Variants in ZNF609 observed in about 807,000 individuals in gnomAD.
ZNF609 encodes zinc finger protein 609.
In ZNF609, 11 loss-of-function variants were observed where a neutral mutation model predicts 109.5. The ratio of observed to expected loss-of-function variants is 0.10; its 90% CI spans 0.06 to 0.17. The LOEUF (loss-of-function observed/expected upper bound fraction) is 0.17. Among genes scored for constraint, ZNF609 ranks in the 10% least tolerant of loss-of-function variants. ZNF609 has a pLI of 1.00. For missense variants in ZNF609, 1,559 were observed against 1,772.4 expected, an observed-to-expected ratio of 0.88 and a Z score of 2.16; for synonymous variants, 646 against 662.0, an observed-to-expected ratio of 0.98 and a Z score of 0.37.
intron 2 of ZNF609, among the ~76,000 whole-genome samples, chr15:64,577,670 T>C (rs191747650): frequency 5.5e-5 from 7 of 128,032 alleles, no homozygotes; most frequent in African/African-American, 2.2e-4. Flanking sequence ...TATACACATA[T>C]AAATATATAC....
intron 2 of ZNF609, among the ~76,000 whole-genome samples, chr15:64,510,531 TCTTA>T (rs970257452): frequency 5.9e-5 from 9 of 152,218 alleles, no homozygotes; most frequent in African/African-American, 2.2e-4. Flanking sequence ...TCACACCTGC[TCTTA>T]CTGTGTCTAA....
intron 1 of ZNF609, among the ~76,000 whole-genome samples, chr15:64,493,960 T>C (rs116972138): frequency 3.0e-3 from 453 of 152,298 alleles, no homozygotes; most frequent in Non-Finnish European, 4.9e-3. Flanking sequence ...CCAGGCTGAT[T>C]GAAGAATCCT....
chr15:64,644,856 T>C (rs1896307091), intron 3 of ZNF609, among the ~76,000 whole-genome samples: 1 of 152,242 alleles, frequency 6.6e-6, no homozygotes, highest in Non-Finnish European at 1.5e-5. Context: ...GGAGTATGAA[T>C]GCTTAAAACA....
intron 3 of ZNF609, among the ~76,000 whole-genome samples, chr15:64,632,359 T>C (rs536852930): frequency 1.3e-5 from 2 of 152,282 alleles, no homozygotes; most frequent in East Asian, 3.9e-4. Flanking sequence ...CAGCCTCTAT[T>C]TTTTAATAGT....
chr15:64,467,662 T>A (rs746722491), intron 1 of ZNF609, among the ~76,000 whole-genome samples: 1 of 152,104 alleles, frequency 6.6e-6, no homozygotes, highest in Non-Finnish European at 1.5e-5. Context: ...CTGGCCAACA[T>A]GGTGAAATCC....
chr15:64,651,247 A>G (rs67971088), intron 3 of ZNF609, among the ~76,000 whole-genome samples: 9,240 of 152,258 alleles, frequency 0.061, 390 homozygotes, highest in Non-Finnish European at 0.099. Context: ...TTTGCTTCCT[A>G]AGATTTCTGG....
intron 2 of ZNF609, among the ~76,000 whole-genome samples, chr15:64,537,217 G>T (rs954765215): frequency 1.3e-5 from 2 of 149,786 alleles, no homozygotes; most frequent in Non-Finnish European, 3.0e-5. Flanking sequence ...AGTGAGACTC[G>T]CTGGGTGCGG....
chr15:64,463,098 T>A (rs549997704), intron 1 of ZNF609, among the ~76,000 whole-genome samples: 26 of 152,054 alleles, frequency 1.7e-4, no homozygotes, highest in Middle Eastern at 6.8e-3. Context: ...TACAAAAATT[T>A]AAAAAAATAC....
intron 2 of ZNF609, among the ~76,000 whole-genome samples, chr15:64,592,788 C>G (rs1384540930): frequency 6.7e-6 from 1 of 149,724 alleles, no homozygotes; most frequent in East Asian, 2.0e-4. Context: ...AGCCCGGCAT[C>G]TGAAATACCA....
At chr15:64,529,482 C>T (rs1894023083) in intron 2 of ZNF609, 2 of 1,073,900 alleles carry the variant, frequency 1.9e-6, no homozygotes, top group Non-Finnish European at 2.8e-6. Context: ...GCGTCCCGTT[C>T]TCAGCCTTGA....
At chr15:64,487,452 A>G (rs1893348111) in intron 1 of ZNF609, among the ~76,000 whole-genome samples, 1 of 152,184 alleles carries the variant, frequency 6.6e-6, no homozygotes, top group Admixed American at 6.6e-5. Flanking sequence ...CAGTTTTTCC[A>G]TGTGTATACA....
intron 1 of ZNF609, among the ~76,000 whole-genome samples, chr15:64,462,502 C>T (rs1373981383): frequency 6.6e-6 from 1 of 152,274 alleles, no homozygotes; most frequent in Admixed American, 6.5e-5. Context: ...GGTGTGGTGG[C>T]TCATGCTTGT....
At position 64,675,046 on chromosome 15, in the gene ZNF609, A is replaced by T. The variant is rs1290292076; in HGVS notation, c.2192A>T (p.Asp731Val). The T allele has an allele frequency of 6.2e-7, 1 of 1,614,184 alleles. No individual in the cohort carries two copies. The highest frequency in any genetic ancestry group is 2.2e-5 in the East Asian group (1 of 44,888). Residue 731 changes from aspartate (D) to valine (V), a missense_variant, in exon 5 of 10, where the codon GAC becomes GTC. Physicochemically the swap from Asp to Val is radical, Grantham distance 152 (BLOSUM62 -3). Around this residue, in one of 4 missense-constraint regions of ZNF609, gnomAD observed 1,204 missense variants for 1,314.1 expected, o/e 0.92. Transcript: ENST00000326648. ...LTPAKDKKKK[D>V]KKKKESSKEL... ...CCAGCCAAGGACAAGAAAAAGAAAG[A>T]CAAAAAAAAGAAGGAATCTTCAAAG...
chr15:64,501,221 A>C (rs1893557211), intron 2 of ZNF609: 1 of 152,170 alleles, frequency 6.6e-6, no homozygotes, highest in South Asian at 2.1e-4. Flanking sequence ...GCAGCAGGGA[A>C]TACCTATTTC....
At position 64,680,588 on chromosome 15, in the gene ZNF609, T is replaced by G. The variant is rs1228415489; in HGVS notation, c.3946-58T>G. On this transcript the variant is annotated intron_variant, in intron 7 of 9. Coordinates refer to ENST00000326648, the MANE Select transcript of ZNF609 (RefSeq NM_015042.2). ...GTGTGTGTGTGTGTGTGTGTGTGTG[T>G]GGTTGTATGCATATGTGTCTCACTA... 14 of 1,356,416 alleles carry G rather than the reference T, an allele frequency of 1.0e-5. No individual in the cohort carries two copies. In the Admixed American group the frequency reaches 1.2e-4, roughly 11 times the overall value. The allele number at this position is 1,356,416 out of a possible 1,614,324, so 84.0% of individuals were successfully genotyped here.
chr15:64,613,085 G>C (rs974323812), intron 2 of ZNF609, among the ~76,000 whole-genome samples: 3 of 152,134 alleles, frequency 2.0e-5, no homozygotes, highest in Non-Finnish European at 2.9e-5. Context: ...ACTTTGGGAG[G>C]CTGAGGTGGT....
chr15:64,523,462 T>A (rs1893922193), intron 2 of ZNF609, among the ~76,000 whole-genome samples: 2 of 152,134 alleles, frequency 1.3e-5, no homozygotes, highest in South Asian at 2.1e-4. Context: ...TCAGGAAATC[T>A]AGGAAAATCT....
intron 3 of ZNF609, among the ~76,000 whole-genome samples, chr15:64,640,513 A>G (rs1896238540): frequency 6.6e-6 from 1 of 152,186 alleles, no homozygotes; most frequent in African/African-American, 2.4e-5. Context: ...TTGGCAGCAT[A>G]CTAGCCTCTG....
At chr15:64,549,255 A>G (rs1421987269) in intron 2 of ZNF609, among the ~76,000 whole-genome samples, 1 of 152,038 alleles carries the variant, frequency 6.6e-6, no homozygotes, top group Non-Finnish European at 1.5e-5. Flanking sequence ...CAATGGCGCA[A>G]TCTTGGCTTA....
Sources: allele counts gnomAD v4.1 joint callset (sites outside exome capture counted in the v4.1 genomes callset), GRCh38; gene constraint gnomAD v4.1.1; regional missense constraint gnomAD v4.1.1; transcripts MANE v1.5; gene names NCBI Gene and HGNC (gene_info 2026-07-23, HGNC 2026-07-21).